SDHC: variants seen among roughly 807,000 people sequenced by gnomAD.
SDHC encodes succinate dehydrogenase cytochrome b560 subunit, mitochondrial.
SDHC carries 11 observed loss-of-function variants against 22.6 expected under a neutral mutation model. The observed-to-expected ratio is 0.49, with a 90% CI of 0.31 to 0.81. The LOEUF is 0.81. Ranked by LOEUF, SDHC falls within the 30% of genes least tolerant of loss-of-function variation. The pLI, the probability that SDHC is intolerant of heterozygous loss-of-function variation, is 0.05. For synonymous variants in SDHC, 80 were observed against 77.8 expected, an observed-to-expected ratio of 1.03 and a Z score of -0.15; for missense variants, 160 against 212.0, an observed-to-expected ratio of 0.75 and a Z score of 1.52.
chr1:161,361,883 A>G (rs925627974), intron 5 of SDHC, among the ~76,000 whole-genome samples: 2 of 149,672 alleles, frequency 1.3e-5, no homozygotes, highest in African/African-American at 4.9e-5. Flanking sequence ...AAAGTCTTGC[A>G]GTTAAATGTT....
intron 4 of SDHC, among the ~76,000 whole-genome samples, chr1:161,342,740 C>A (rs1331080500): frequency 3.9e-5 from 6 of 152,094 alleles, no homozygotes; most frequent in Non-Finnish European, 8.8e-5. Context: ...GGTAATCTGC[C>A]CGCCTCGGCC....
intron 3 of SDHC, 110 bp from the exon 4 acceptor site, chr1:161,340,471 CAAAAAAAAAAAAA>C (rs1671679769): frequency 3.0e-6 from 2 of 663,424 alleles, no homozygotes; most frequent in East Asian, 3.1e-5. Flanking sequence ...GACTCTGTCT[CAAAAAAAAAAAAA>C]GAAAAAAAAG....
In SDHC at chr1:161,340,666, G is replaced by A; in HGVS notation, c.241+11G>A. The A allele has an allele frequency of 6.2e-7, 1 of 1,611,258 alleles. No homozygotes were observed. The highest frequency in any genetic ancestry group is 8.5e-7 in the Non-Finnish European group (1 of 1,177,514). ...TTGCTTTGAGTGCAGGTATGTATAT[G>A]TGTTTTTACACACACATATGTGCTT... On this transcript the variant is annotated intron_variant, in intron 4 of 5. Transcript: ENST00000367975.
intron 4 of SDHC, among the ~76,000 whole-genome samples, chr1:161,342,635 A>G (rs552993739): frequency 1.9e-4 from 28 of 151,024 alleles, no homozygotes; most frequent in African/African-American, 6.1e-4. Context: ...TTCTGCCTCA[A>G]CCTCTCAAGT....
chr1:161,325,486 C>T (rs1256888690), intron 2 of SDHC, among the ~76,000 whole-genome samples: 1 of 152,092 alleles, frequency 6.6e-6, no homozygotes, highest in Non-Finnish European at 1.5e-5. Context: ...TTGAGACCAG[C>T]CTGGGCAACA....
At chr1:161,321,823 C>T (rs1670851856) in intron 1 of SDHC, among the ~76,000 whole-genome samples, 1 of 152,040 alleles carries the variant, frequency 6.6e-6, no homozygotes, top group African/African-American at 2.4e-5. Flanking sequence ...ATCTTGTGTC[C>T]TAGTGCCTTG....
At position 161,314,396 on chromosome 1, in the gene SDHC, G is replaced by A. The variant is rs766752616; in HGVS notation, c.-10G>A. On this transcript the variant is annotated 5_prime_UTR_variant, in exon 1 of 6. Coordinates refer to ENST00000367975, the MANE Select transcript of SDHC (RefSeq NM_003001.5). ...GCCTGGCGTCACTTCCGTCCAGACC[G>A]GAACCCAAGATGGCTGCGCTGTTGC... 1.2e-6 allele frequency: 2 copies of A among 1,614,078 alleles called. No individual in the cohort carries two copies. The highest frequency in any genetic ancestry group is 1.7e-6 in the Non-Finnish European group (2 of 1,180,034).
At chr1:161,324,251 G>A (rs1309126147) in intron 2 of SDHC, among the ~76,000 whole-genome samples, 1 of 152,196 alleles carries the variant, frequency 6.6e-6, no homozygotes, top group Non-Finnish European at 1.5e-5. Context: ...CCACAAGCAT[G>A]TGGTGTGCCA....
intron 3 of SDHC, 83 bp downstream of exon 3, chr1:161,328,580 C>A: frequency 1.0e-6 from 1 of 993,624 alleles, no homozygotes; most frequent in Non-Finnish European, 1.6e-6. Context: ...CTTGATACTT[C>A]CCTCACTTTT....
chr1:161,324,106 TGTG>T (rs1268138087), intron 2 of SDHC, among the ~76,000 whole-genome samples: 1 of 152,194 alleles, frequency 6.6e-6, no homozygotes, highest in Non-Finnish European at 1.5e-5. Flanking sequence ...CTTAAGTAAT[TGTG>T]GTGACTATTT....
At chr1:161,326,161 C>T (rs1240525027) in intron 2 of SDHC, among the ~76,000 whole-genome samples, 1 of 151,762 alleles carries the variant, frequency 6.6e-6, no homozygotes, top group East Asian at 1.9e-4. Flanking sequence ...GAGATCGCAC[C>T]ACTGCACTCC....
chr1:161,325,341 C>CAATAAATA (rs56075649), intron 2 of SDHC, among the ~76,000 whole-genome samples: 18 of 150,194 alleles, frequency 1.2e-4, no homozygotes, highest in Admixed American at 2.6e-4. Flanking sequence ...TACCCTGTCT[C>CAATAAATA]AATAAATAAA....
intron 3 of SDHC, 125 bp from the exon 4 acceptor site, chr1:161,340,467 GTC>G: frequency 2.6e-6 from 2 of 784,100 alleles, no homozygotes; most frequent in Non-Finnish European, 2.1e-6. Flanking sequence ...GCGAGACTCT[GTC>G]TCAAAAAAAA....
Position 161,340,647 on chromosome 1 carries a change from T to G in SDHC, c.233T>G (p.Leu78Trp). ...SICHRGTGIA[L>W]SAGVSLFGMS... ...TGCCACCGTGGCACTGGTATTGCTT[T>G]GAGTGCAGGTATGTATATGTGTTTT... The change falls in exon 4 of 6, where the codon TTG (leucine) becomes TGG (tryptophan). Residue 78 changes from leucine to tryptophan, a missense_variant. By Grantham distance (61) the Leu-to-Trp change is moderately conservative. Transcript: ENST00000367975. The G allele has an allele frequency of 1.2e-6, 2 of 1,613,660 alleles. No individual in the cohort carries two copies. Among genetic ancestry groups the G allele is most frequent in the Non-Finnish European group, 1.7e-6 (2 of 1,179,582 alleles).
intron 3 of SDHC, among the ~76,000 whole-genome samples, chr1:161,337,706 C>T (rs1671548541): frequency 1.3e-5 from 2 of 152,188 alleles, no homozygotes; most frequent in Admixed American, 1.3e-4. Flanking sequence ...TCAGCAGTTT[C>T]ATATTACATC....
At chr1:161,322,686 C>T (rs1670880089) in intron 1 of SDHC, among the ~76,000 whole-genome samples, 1 of 151,758 alleles carries the variant, frequency 6.6e-6, no homozygotes, top group East Asian at 1.9e-4. Context: ...CCCACCTCAG[C>T]CTCCAGAGTA....
intron 2 of SDHC, chr1:161,326,636 T>A (rs1251264397): frequency 5.3e-5 from 8 of 149,692 alleles, no homozygotes; most frequent in African/African-American, 2.0e-4. Context: ...TTTTTTTTCT[T>A]TTTTTTTGAG....
At chr1:161,345,099 C>A (rs1235728438) in intron 4 of SDHC, among the ~76,000 whole-genome samples, 1 of 152,226 alleles carries the variant, frequency 6.6e-6, no homozygotes, top group African/African-American at 2.4e-5. Flanking sequence ...CTTTGCCCTG[C>A]CAGCTCTGGC....
chr1:161,317,529 T>TTGTG (rs138977321), intron 1 of SDHC, among the ~76,000 whole-genome samples: 150 of 132,062 alleles, frequency 1.1e-3, no homozygotes, highest in African/African-American at 4.1e-3. Context: ...TGCCTTGGTT[T>TTGTG]TGTGTGTGTG....
Sources: allele counts gnomAD v4.1 joint callset (sites outside exome capture counted in the v4.1 genomes callset), GRCh38; gene constraint gnomAD v4.1.1; transcripts MANE v1.5; gene names NCBI Gene and HGNC (gene_info 2026-07-23, HGNC 2026-07-21).